SFI1: variants seen among roughly 807,000 people sequenced by gnomAD.
SFI1 encodes SFI1 centrin binding protein.
Under a neutral mutation model 207.5 loss-of-function variants are expected in SFI1, and 195 were observed. The ratio of observed to expected loss-of-function variants is 0.94; its 90% CI spans 0.84 to 1.06. The LOEUF is 1.06. Among genes scored for constraint, SFI1 ranks in the 50% least tolerant of loss-of-function variants. The pLI, the probability that SFI1 is intolerant of heterozygous loss-of-function variation, is 0.00. For synonymous variants in SFI1, 630 were observed against 598.9 expected (o/e 1.05, Z -0.76); for missense variants, 1,634 against 1,588.0 (o/e 1.03, Z -0.49).
chr22:31,538,955 G>A (rs962864592), intron 4 of SFI1, among the ~76,000 whole-genome samples: 2 of 152,042 alleles, frequency 1.3e-5, no homozygotes, highest in African/African-American at 4.8e-5. Flanking sequence ...ACTCCACTGG[G>A]TGTCACACCA....
chr22:31,547,208 T>C (rs1019433267), intron 5 of SFI1, among the ~76,000 whole-genome samples: 1 of 152,100 alleles, frequency 6.6e-6, no homozygotes, highest in Non-Finnish European at 1.5e-5. Context: ...CAGGTAACCA[T>C]TATGTATTGG....
intron 21 of SFI1, among the ~76,000 whole-genome samples, chr22:31,607,034 G>C (rs2069145299): frequency 6.6e-6 from 1 of 151,874 alleles, no homozygotes; most frequent in Non-Finnish European, 1.5e-5. Flanking sequence ...CTGCACTCCA[G>C]CCTGGACAAC....
At chr22:31,564,293 C>T (rs2062025354) in intron 8 of SFI1, among the ~76,000 whole-genome samples, 1 of 148,598 alleles carries the variant, frequency 6.7e-6, no homozygotes, top group Non-Finnish European at 1.5e-5. Flanking sequence ...CGCCACTGCA[C>T]TCCAGCCTGG....
chr22:31,589,779 T>A (rs1182198046), intron 15 of SFI1, among the ~76,000 whole-genome samples: 1 of 150,732 alleles, frequency 6.6e-6, no homozygotes, highest in Non-Finnish European at 1.5e-5. Context: ...TTTGTCCATC[T>A]TTATTTATTT....
intron 2 of SFI1, among the ~76,000 whole-genome samples, chr22:31,520,435 T>C (rs949936641): frequency 6.6e-6 from 1 of 152,182 alleles, no homozygotes; most frequent in Non-Finnish European, 1.5e-5. Context: ...TTTCCTAAAA[T>C]GGTTCTATAT....
intron 2 of SFI1, among the ~76,000 whole-genome samples, chr22:31,511,464 GTTTTTTTTTTT>G: frequency 8.7e-6 from 1 of 114,526 alleles, no homozygotes; most frequent in East Asian, 3.2e-4. Context: ...CATAGTTTCT[GTTTTTTTTTTT>G]TTTTTTTTTT....
intron 2 of SFI1, among the ~76,000 whole-genome samples, chr22:31,511,578 T>A (rs2055563782): frequency 1.3e-5 from 2 of 149,910 alleles, no homozygotes; most frequent in Admixed American, 1.4e-4. Flanking sequence ...GCAATTCTCC[T>A]GCCTCAGCCT....
At chr22:31,512,753 C>G (rs2055802253) in intron 2 of SFI1, among the ~76,000 whole-genome samples, 1 of 151,750 alleles carries the variant, frequency 6.6e-6, no homozygotes, top group African/African-American at 2.4e-5. Context: ...GTGGCGCAAT[C>G]TCGGCTCAGT....
intron 4 of SFI1, among the ~76,000 whole-genome samples, chr22:31,541,391 G>A (rs906669744): frequency 3.3e-5 from 5 of 152,072 alleles, no homozygotes; most frequent in Admixed American, 1.3e-4. Flanking sequence ...TTAATGCGGC[G>A]TGGGGAATGG....
At chr22:31,547,570 C>G (rs988345029) in intron 5 of SFI1, among the ~76,000 whole-genome samples, 1 of 151,732 alleles carries the variant, frequency 6.6e-6, no homozygotes, top group Non-Finnish European at 1.5e-5. Flanking sequence ...CTTGGCCTCC[C>G]GAAGTGCTGG....
At chr22:31,504,963 A>G (rs2054389885) in intron 1 of SFI1, among the ~76,000 whole-genome samples, 1 of 152,218 alleles carries the variant, frequency 6.6e-6, no homozygotes, top group Non-Finnish European at 1.5e-5. Context: ...ATAATGTCAC[A>G]TTCGCAGGTA....
intron 4 of SFI1, 59 bp from the exon 5 acceptor site, chr22:31,546,802 G>A (rs893869222): frequency 8.4e-7 from 1 of 1,185,260 alleles, no homozygotes; most frequent in East Asian, 2.5e-5. Context: ...TATGTGATTT[G>A]GGAAGAGATG....
rs2068244474 is a variant in SFI1 at position 31,602,286 on chromosome 22, A to G, written c.1619A>G (p.Glu540Gly). Residue 540 changes from glutamate to glycine, a missense_variant, in exon 16 of 33, where the codon GAG (glutamate) becomes GGG (glycine). Physicochemically the swap from Glu to Gly is moderately conservative, Grantham distance 98. Coordinates refer to ENST00000400288, the MANE Select transcript of SFI1 (RefSeq NM_001007467.3). ...MFQHRENRLA[E>G]RMAILHAERQ... ...CAGCATCGAGAAAACCGCCTGGCAG[A>G]GAGAATGGTAAATGGCTGTCCCTGA... The G allele has an allele frequency of 6.2e-7, 1 of 1,613,874 alleles. No homozygotes were observed. Among genetic ancestry groups the G allele is most frequent in the Admixed American group, 1.7e-5 (1 of 60,018 alleles).
chr22:31,596,962 ACACGG>A, intron 15 of SFI1, among the ~76,000 whole-genome samples: 1 of 120,166 alleles, frequency 8.3e-6, no homozygotes, highest in African/African-American at 3.2e-5. Context: ...AAACGCGCAC[ACACGG>A]TACCCGTTTC....
At chr22:31,606,276 TTC>T in intron 20 of SFI1, 50 bp from the exon 21 acceptor site, 2 of 1,533,196 alleles carry the variant, frequency 1.3e-6, no homozygotes, top group Non-Finnish European at 1.8e-6. Context: ...GAAGCCTCCC[TTC>T]TCTCTCTATC....
intron 8 of SFI1, among the ~76,000 whole-genome samples, chr22:31,568,531 CAAAAAAAAAAA>C (rs60447566): frequency 2.7e-5 from 1 of 37,432 alleles, no homozygotes; most frequent in East Asian, 8.3e-4. Context: ...GACCCTGTCT[CAAAAAAAAAAA>C]AAAAAAAAAA....
In SFI1 at chr22:31,582,206, T is replaced by TATATATATATATATATATATATA. The variant is rs1569376507; in HGVS notation, c.1249-1669_1249-1668insATATATATATATATATATATATA. On this transcript the variant is annotated intron_variant, in intron 12 of 32. Coordinates refer to ENST00000400288, the MANE Select transcript of SFI1 (RefSeq NM_001007467.3). ...CCCAACAACACTTCTTTATTACATTTTATATATATATATATATATATATAT... is the reference window on the plus strand; with the variant it reads ...CCCAACAACACTTCTTTATTACATTTATATATATATATATATATATATATATATATATATATATATATATATAT... 4.9e-4 allele frequency among the ~76,000 whole-genome samples: 18 copies of TATATATATATATATATATATATA among 36,614 alleles called. 1 individual carries two copies. The highest frequency in any genetic ancestry group is 6.7e-4 in the Non-Finnish European group (15 of 22,304). 24.0% of individuals were successfully genotyped at this position (36,614 alleles called of 152,430 possible).
At position 31,514,528 on chromosome 22, in the gene SFI1, A is replaced by T. The variant is rs866288383; in HGVS notation, c.92+6152A>T. On this transcript the variant is annotated intron_variant, in intron 2 of 32. Coordinates refer to ENST00000400288, the MANE Select transcript of SFI1 (RefSeq NM_001007467.3). ...GTCTCAAAAAAAAAAAAAAAAAAAA[A>T]AAATCAACTGTATTTCTCCTATTTA... Among the ~76,000 whole-genome samples, 81 of 150,786 alleles carry T rather than the reference A, an allele frequency of 5.4e-4. 3 individuals carry two copies. In the South Asian group the frequency reaches 6.8e-3, roughly 13 times the overall value.
intron 4 of SFI1, 101 bp downstream of exon 4, chr22:31,531,230 A>T (rs978901096): frequency 1.1e-6 from 1 of 914,476 alleles, no homozygotes; most frequent in Non-Finnish European, 1.7e-6. Flanking sequence ...GTGCTGTTAC[A>T]TTCCTCCCCA....
Sources: allele counts gnomAD v4.1 joint callset (sites outside exome capture counted in the v4.1 genomes callset), GRCh38; gene constraint gnomAD v4.1.1; transcripts MANE v1.5; gene names NCBI Gene and HGNC (gene_info 2026-07-23, HGNC 2026-07-21).